The following ANG variants were observed in gnomAD, a reference collection of about 807,000 sequenced individuals.
The protein encoded by ANG is angiogenin.
For synonymous variants in ANG, 74 were observed against 73.8 expected (o/e 1.00, Z -0.02); for missense variants, 178 against 187.4 (o/e 0.95, Z 0.29).
chr14:20,691,665 G>C (rs560964694), intron 1 of ANG, among the ~76,000 whole-genome samples: 1 of 152,156 alleles, frequency 6.6e-6, no homozygotes, highest in Non-Finnish European at 1.5e-5. Context: ...ATGTCGGTGC[G>C]GACAAATTTG....
At chr14:20,689,667 C>T (rs940119104) in intron 1 of ANG, among the ~76,000 whole-genome samples, 22 of 151,990 alleles carry the variant, frequency 1.4e-4, no homozygotes, top group Non-Finnish European at 2.4e-4. Context: ...CTGTAATCCC[C>T]GCACTTTGGG....
At chr14:20,687,151 CTTG>C (rs561821547), upstream of ANG, among the ~76,000 whole-genome samples, 36 of 152,280 alleles carry the variant, frequency 2.4e-4, no homozygotes, top group Middle Eastern at 3.4e-3. Flanking sequence ...AATATAATTC[CTTG>C]TTGTATTTTA....
chr14:20,692,513 A>C (rs1886814726), intron 1 of ANG, among the ~76,000 whole-genome samples: 1 of 152,264 alleles, frequency 6.6e-6, no homozygotes, highest in Non-Finnish European at 1.5e-5. Flanking sequence ...CTGCCAGATC[A>C]GCAGGCAGCA....
intron 1 of ANG, among the ~76,000 whole-genome samples, chr14:20,690,051 T>C (rs1189276898): frequency 7.3e-6 from 1 of 137,172 alleles, no homozygotes; most frequent in Admixed American, 7.2e-5. Context: ...CCGTCTCTAC[T>C]AAAAATACAA....
chr14:20,691,123 T>A (rs1210754198), intron 1 of ANG, among the ~76,000 whole-genome samples: 1 of 152,188 alleles, frequency 6.6e-6, no homozygotes, highest in African/African-American at 2.4e-5. Context: ...TGAACAGCAA[T>A]ATCCCCACAA....
chr14:20,692,332 C>G (rs1305614829), intron 1 of ANG, among the ~76,000 whole-genome samples: 1 of 152,212 alleles, frequency 6.6e-6, no homozygotes, highest in African/African-American at 2.4e-5. Context: ...GTCTGCTTCC[C>G]TTCAACTCAG....
At chr14:20,687,664 T>C (rs1886488640), upstream of ANG, among the ~76,000 whole-genome samples, 1 of 152,224 alleles carries the variant, frequency 6.6e-6, no homozygotes, top group African/African-American at 2.4e-5. Context: ...GCAGAGCATA[T>C]TTACATAATG....
chr14:20,688,723 C>T, upstream of ANG: 1 of 985,294 alleles, frequency 1.0e-6, no homozygotes, highest in Non-Finnish European at 1.2e-6. Flanking sequence ...CCTGCCAGGA[C>T]TGGGACACTA....
chr14:20,686,235 C>T (rs1886421255), upstream of ANG, among the ~76,000 whole-genome samples: 1 of 152,052 alleles, frequency 6.6e-6, no homozygotes, highest in Non-Finnish European at 1.5e-5. Context: ...ATGTTAGTAA[C>T]AGGACATGAG....
chr14:20,693,067 T>A (rs1368237153), intron 1 of ANG, among the ~76,000 whole-genome samples: 1 of 151,778 alleles, frequency 6.6e-6, no homozygotes, highest in East Asian at 1.9e-4. Context: ...CAGGATGGTC[T>A]CGATCTCCTG....
intron 1 of ANG, among the ~76,000 whole-genome samples, chr14:20,689,387 G>A (rs1023699965): frequency 3.3e-5 from 5 of 152,212 alleles, no homozygotes; most frequent in African/African-American, 1.2e-4. Flanking sequence ...GGATGAATAT[G>A]CCTTGGGTGT....
At chr14:20,693,482 G>A in intron 1 of ANG, 65 bp from the exon 2 acceptor site, 1 of 1,594,576 alleles carries the variant, frequency 6.3e-7, no homozygotes. Flanking sequence ...CAAAGCTCCT[G>A]TCCTTTTGGC....
chr14:20,693,735 G>A lies in ANG; in HGVS notation c.171G>A (p.Arg57=). The A allele has an allele frequency of 6.2e-7, 1 of 1,614,184 alleles. No homozygotes were observed. The highest frequency in any genetic ancestry group is 8.5e-7 in the Non-Finnish European group (1 of 1,180,026). ...DRYCESIMRR[R]GLTSPCKDIN... is the part of the protein sequence containing the mutation. ...ACTGTGAAAGCATCATGAGGAGACG[G>A]GGCCTGACCTCACCCTGCAAAGACA... Residue 57 remains arginine (R), a synonymous_variant, in exon 2 of 2, where the codon CGG becomes CGA. Transcript: ENST00000397990.
chr14:20,693,616 C>T lies in ANG; in HGVS notation c.52C>T (p.Leu18=). The change falls in exon 2 of 2, where the codon CTG becomes TTG. Residue 18 remains leucine, a synonymous_variant. Coordinates refer to ENST00000397990, the MANE Select transcript of ANG (RefSeq NM_001097577.3). ...GTTGGTCTTCGTGCTGGGTCTGGGT[C>T]TGACCCCACCGACCCTGGCTCAGGA... The part of the protein sequence containing the change: ...LLLVFVLGLG[L]TPPTLAQDNS... 1 of 1,614,060 alleles carries T rather than the reference C, an allele frequency of 6.2e-7. No homozygotes were observed. The highest frequency in any genetic ancestry group is 8.5e-7 in the Non-Finnish European group (1 of 1,180,038).
chr14:20,693,521 A>C lies in ANG; in HGVS notation c.-18-26A>C, dbSNP rs778121390. ...ATTTGGTGATGCTGTTCTTGGGTCT[A>C]CCACACCTCCTTTTGCCCTCCGCAG... On this transcript the variant is annotated intron_variant, in intron 1 of 1. Transcript: ENST00000397990. The C allele has an allele frequency of 3.4e-5, 55 of 1,607,044 alleles. 2 individuals carry two copies. In the South Asian group the frequency reaches 5.7e-4, roughly 17 times the overall value.
chr14:20,685,931 T>G (rs1886402498), upstream of ANG, among the ~76,000 whole-genome samples: 1 of 151,456 alleles, frequency 6.6e-6, no homozygotes, highest in African/African-American at 2.4e-5. Flanking sequence ...CCCCAGCTAC[T>G]CGGGAGGCTG....
intron 1 of ANG, among the ~76,000 whole-genome samples, chr14:20,693,251 A>C (rs919332164): frequency 4.6e-5 from 7 of 152,256 alleles, no homozygotes; most frequent in African/African-American, 1.7e-4. Flanking sequence ...CATGAATTAA[A>C]GAGTGAGAGT....
intron 1 of ANG, among the ~76,000 whole-genome samples, chr14:20,691,317 C>A (rs1009998004): frequency 2.6e-5 from 4 of 152,296 alleles, no homozygotes; most frequent in Non-Finnish European, 5.9e-5. Flanking sequence ...TAAGGCAGAC[C>A]TTTGACATTA....
At chr14:20,693,421 T>C (rs867875588) in intron 1 of ANG, 126 bp from the exon 2 acceptor site, 2 of 1,246,760 alleles carry the variant, frequency 1.6e-6, no homozygotes, top group Non-Finnish European at 1.1e-6. Flanking sequence ...GAAAATAGAA[T>C]ATAAAATTTG....
Sources: allele counts gnomAD v4.1 joint callset (sites outside exome capture counted in the v4.1 genomes callset), GRCh38; gene constraint gnomAD v4.1.1; transcripts MANE v1.5; gene names NCBI Gene and HGNC (gene_info 2026-07-23, HGNC 2026-07-21).